The following SAMMSON variants were observed in gnomAD, a reference collection of about 807,000 sequenced individuals.
SAMMSON encodes survival associated mitochondrial melanoma specific oncogenic non-coding RNA.
intron 4 of SAMMSON, among the ~76,000 whole-genome samples, chr3:70,111,262 A>G (rs139257777): frequency 1.3e-5 from 2 of 152,346 alleles, no homozygotes; most frequent in African/African-American, 4.8e-5. Flanking sequence ...GAAAGAAACA[A>G]ATGAAACACT....
chr3:70,411,410 A>T (rs1359110987), intron 2 of SAMMSON, among the ~76,000 whole-genome samples: 2 of 152,230 alleles, frequency 1.3e-5, no homozygotes, highest in Admixed American at 1.3e-4. Flanking sequence ...CTACAGCAAC[A>T]TAGTTAGGTG....
At chr3:70,163,435 A>T (rs2067624430) in intron 4 of SAMMSON, among the ~76,000 whole-genome samples, 1 of 151,534 alleles carries the variant, frequency 6.6e-6, no homozygotes, top group African/African-American at 2.4e-5. Context: ...AATCTAGTTT[A>T]GATTAATATT....
chr3:70,209,113 A>G (rs1011363063), intron 4 of SAMMSON, among the ~76,000 whole-genome samples: 6 of 152,078 alleles, frequency 3.9e-5, no homozygotes, highest in African/African-American at 1.4e-4. Context: ...TTGGGTATCA[A>G]GGCATCCAGT....
At chr3:70,413,273 T>C (rs1261158936) in intron 2 of SAMMSON, among the ~76,000 whole-genome samples, 14 of 152,192 alleles carry the variant, frequency 9.2e-5, no homozygotes, top group Non-Finnish European at 1.5e-4. Flanking sequence ...TTTTCCTATA[T>C]GTCAAGCTGA....
At chr3:70,418,919 T>TCCTTTCCTTTC (rs1216627343) in intron 2 of SAMMSON, among the ~76,000 whole-genome samples, 1 of 85,114 alleles carries the variant, frequency 1.2e-5, no homozygotes, top group Non-Finnish European at 2.3e-5. Flanking sequence ...ATGTTTGCTT[T>TCCTTTCCTTTC]CTTTCCTTTC....
intron 4 of SAMMSON, among the ~76,000 whole-genome samples, chr3:70,154,278 A>C (rs778662547): frequency 6.6e-6 from 1 of 152,032 alleles, no homozygotes; most frequent in Non-Finnish European, 1.5e-5. Context: ...TGCATGTGTT[A>C]GTTTACTTAA....
rs142063811 is a variant in SAMMSON at position 70,425,358 on chromosome 3, A to C, written n.234-37202A>C. On this transcript the variant is annotated intron_variant and non_coding_transcript_variant, in intron 2 of 3. Transcript: ENST00000641053. ...TCAAATTTTGCAAATATCCTCTCTT[A>C]ACCAGCAGACTGACAACCTATTTCA... Among the ~76,000 whole-genome samples the C allele has an allele frequency of 3.8e-3, 571 of 152,200 alleles. 3 individuals carry two copies. Among genetic ancestry groups the C allele is most frequent in the African/African-American group, 0.013 (541 of 41,538 alleles).
intron 3 of SAMMSON, among the ~76,000 whole-genome samples, chr3:70,038,496 A>G (rs1207063755): frequency 1.3e-5 from 2 of 152,064 alleles, no homozygotes; most frequent in African/African-American, 4.8e-5. Flanking sequence ...TCTTTTCTTT[A>G]TAAACTACCC....
chr3:70,236,458 T>G (rs1701609900), intron 4 of SAMMSON, among the ~76,000 whole-genome samples: 4 of 152,214 alleles, frequency 2.6e-5, no homozygotes, highest in African/African-American at 9.6e-5. Flanking sequence ...ATATTCCCAC[T>G]TGCAACATGT....
intron 4 of SAMMSON, among the ~76,000 whole-genome samples, chr3:70,093,137 AG>A (rs1187474914): frequency 6.6e-6 from 1 of 152,106 alleles, no homozygotes; most frequent in East Asian, 1.9e-4. Flanking sequence ...CCATAGCTAA[AG>A]GGCTGTCTTT....
chr3:70,172,286 T>C (rs922230441), intron 4 of SAMMSON: 35 of 118,864 alleles, frequency 2.9e-4, no homozygotes, highest in African/African-American at 1.0e-3. Context: ...TTTTTTTTTT[T>C]TCTTTTTAAG....
chr3:70,011,554 G>A (rs1483701989), intron 1 of SAMMSON, among the ~76,000 whole-genome samples: 1 of 151,496 alleles, frequency 6.6e-6, no homozygotes, highest in African/African-American at 2.4e-5. Context: ...GAAGATTTAA[G>A]AGAGTGAAGA....
At position 70,322,950 on chromosome 3, in the gene SAMMSON, A is replaced by G. The variant is rs1185577743; in HGVS notation, n.740-31225A>G. Among the ~76,000 whole-genome samples, 6 of 152,118 alleles carry G rather than the reference A, an allele frequency of 3.9e-5. No individual in the cohort carries two copies. The East Asian group carries it at 1.2e-3, about 29-fold the overall frequency. On this transcript the variant is annotated intron_variant and non_coding_transcript_variant, in intron 7 of 9. Transcript: ENST00000642114. ...TGTTATACAAATTCTAAGGGGAAAA[A>G]TGAGATTTCTGGAGAAGTCGTGAGA...
intron 6 of SAMMSON, among the ~76,000 whole-genome samples, chr3:70,252,200 A>G (rs1701775861): frequency 6.6e-6 from 1 of 152,332 alleles, no homozygotes; most frequent in African/African-American, 2.4e-5. Context: ...GGCAAAATTG[A>G]ACAAAATGGG....
intron 8 of SAMMSON, among the ~76,000 whole-genome samples, chr3:70,356,974 C>T (rs1423667043): frequency 6.6e-6 from 1 of 152,012 alleles, no homozygotes; most frequent in African/African-American, 2.4e-5. Flanking sequence ...AAGTAATTTG[C>T]CAAAATGCAT....
chr3:70,108,476 T>C (rs572840844), intron 4 of SAMMSON, among the ~76,000 whole-genome samples: 1 of 140,942 alleles, frequency 7.1e-6, no homozygotes, highest in African/African-American at 2.6e-5. Context: ...GTTAGACTTG[T>C]TTTTCCCTAA....
chr3:70,193,456 C>T (rs1001960082), intron 4 of SAMMSON, among the ~76,000 whole-genome samples: 3 of 152,094 alleles, frequency 2.0e-5, no homozygotes, highest in African/African-American at 7.2e-5. Flanking sequence ...ACTATGCCAG[C>T]AAATTTTTAA....
chr3:70,017,084 C>G (rs2066989308), intron 3 of SAMMSON, among the ~76,000 whole-genome samples: 1 of 151,938 alleles, frequency 6.6e-6, no homozygotes, highest in Non-Finnish European at 1.5e-5. Flanking sequence ...TTTTTTGGTT[C>G]TATATGAACT....
intron 4 of SAMMSON, among the ~76,000 whole-genome samples, chr3:70,176,649 A>C (rs1375607094): frequency 2.0e-5 from 3 of 152,202 alleles, no homozygotes; most frequent in African/African-American, 7.2e-5. Flanking sequence ...CCAGAAAACA[A>C]ACTCTGATCC....
Sources: gnomAD v4.1 joint callset for allele counts (sites outside exome capture counted in the v4.1 genomes callset) on GRCh38, gnomAD v4.1.1 for gene constraint, MANE v1.5 for transcripts, NCBI Gene and HGNC (gene_info 2026-07-23, HGNC 2026-07-21) for gene names.